The following SLC8A1 variants were observed in gnomAD, a reference collection of about 807,000 sequenced individuals.
The protein encoded by SLC8A1 is sodium/calcium exchanger 1.
In SLC8A1, 18 loss-of-function variants were observed where a neutral mutation model predicts 68.3. The observed-to-expected ratio is 0.26, with a 90% CI of 0.18 to 0.39. The LOEUF is 0.39. Ranked by LOEUF, SLC8A1 falls within the 10% of genes least tolerant of loss-of-function variation. SLC8A1 has a pLI of 1.00. For synonymous variants in SLC8A1, 475 were observed against 415.5 expected (o/e 1.14, Z -1.74); for missense variants, 985 against 1,156.7 (o/e 0.85, Z 2.15).
At chr2:40,178,767 G>A (rs2048926532) in intron 2 of SLC8A1, among the ~76,000 whole-genome samples, 1 of 152,088 alleles carries the variant, frequency 6.6e-6, no homozygotes, top group Non-Finnish European at 1.5e-5. Flanking sequence ...TCATCATAAG[G>A]AGGAAAAGCA....
intron 2 of SLC8A1, among the ~76,000 whole-genome samples, chr2:40,271,929 C>G (rs934588906): frequency 6.6e-6 from 1 of 152,026 alleles, no homozygotes; most frequent in Admixed American, 6.6e-5. Flanking sequence ...TGCAGTGGAA[C>G]CGTCATAGCT....
intron 2 of SLC8A1, among the ~76,000 whole-genome samples, chr2:40,236,298 T>C (rs1388081346): frequency 3.3e-5 from 5 of 151,784 alleles, no homozygotes; most frequent in Non-Finnish European, 7.4e-5. Flanking sequence ...ATTGGGTGCA[T>C]ATATATTTAG....
At chr2:40,352,959 G>T (rs1671569529) in intron 2 of SLC8A1, among the ~76,000 whole-genome samples, 1 of 152,026 alleles carries the variant, frequency 6.6e-6, no homozygotes. Context: ...TTAAAAGCTG[G>T]CAGGGCATAA....
At chr2:40,314,643 T>A (rs2074198813) in intron 2 of SLC8A1, among the ~76,000 whole-genome samples, 1 of 152,038 alleles carries the variant, frequency 6.6e-6, no homozygotes, top group African/African-American at 2.4e-5. Context: ...GAAAGGCATA[T>A]CTGTCTATTT....
chr2:40,452,541 C>T (rs1702689595), upstream of SLC8A1, among the ~76,000 whole-genome samples: 2 of 152,170 alleles, frequency 1.3e-5, no homozygotes, highest in South Asian at 4.1e-4. Context: ...GAACCCTGAC[C>T]CCCAATTCGC....
chr2:40,195,457 G>C (rs933875780), intron 2 of SLC8A1, among the ~76,000 whole-genome samples: 1 of 151,964 alleles, frequency 6.6e-6, no homozygotes, highest in Non-Finnish European at 1.5e-5. Context: ...GTCCAGACTT[G>C]TGGAGAACTG....
At chr2:40,286,816 T>C (rs1164653450) in intron 2 of SLC8A1, among the ~76,000 whole-genome samples, 1 of 152,226 alleles carries the variant, frequency 6.6e-6, no homozygotes, top group Non-Finnish European at 1.5e-5. Context: ...ATGGATCATG[T>C]TGTCTTATAC....
chr2:40,338,641 G>A (rs1666755229), intron 2 of SLC8A1, among the ~76,000 whole-genome samples: 1 of 152,154 alleles, frequency 6.6e-6, no homozygotes, highest in African/African-American at 2.4e-5. Context: ...CAAGACTATA[G>A]GTATGTTTTT....
At chr2:40,127,034 T>A (rs2038262110) in intron 7 of SLC8A1, among the ~76,000 whole-genome samples, 1 of 152,242 alleles carries the variant, frequency 6.6e-6, no homozygotes. Flanking sequence ...TATCTCTTTT[T>A]TAATGACTTT....
chr2:40,276,969 C>G (rs781115991), intron 2 of SLC8A1, among the ~76,000 whole-genome samples: 4 of 152,216 alleles, frequency 2.6e-5, no homozygotes, highest in Non-Finnish European at 4.4e-5. Flanking sequence ...AAAGTCTAAA[C>G]AGAAGGACAA....
intron 1 of SLC8A1, among the ~76,000 whole-genome samples, chr2:40,500,617 G>C (rs1705992498): frequency 6.6e-6 from 1 of 151,820 alleles, no homozygotes; most frequent in African/African-American, 2.4e-5. Flanking sequence ...ATTTATTCTT[G>C]AAAAGAGGCT....
intron 2 of SLC8A1, among the ~76,000 whole-genome samples, chr2:40,219,299 T>C (rs1329348997): frequency 6.6e-6 from 1 of 152,200 alleles, no homozygotes; most frequent in Non-Finnish European, 1.5e-5. Flanking sequence ...GGAATTAAAA[T>C]TCAGAAACTG....
At chr2:40,429,008 C>T (rs771435446) in exon 2 of SLC8A1, 3 of 1,613,616 alleles carry the variant, frequency 1.9e-6, no homozygotes, top group Non-Finnish European at 2.5e-6. Context: ...GTAAGGGCCA[C>T]AGTACCACAG....
At chr2:40,449,868 T>C (rs1702108272) in intron 1 of SLC8A1, among the ~76,000 whole-genome samples, 1 of 152,142 alleles carries the variant, frequency 6.6e-6, no homozygotes, top group Admixed American at 6.5e-5. Flanking sequence ...TTTGTTGCTG[T>C]TGTTTTTCTA....
chr2:40,218,590 T>C (rs1233257636), intron 2 of SLC8A1, among the ~76,000 whole-genome samples: 1 of 152,112 alleles, frequency 6.6e-6, no homozygotes, highest in South Asian at 2.1e-4. Flanking sequence ...TTATCGTATA[T>C]GGAATTTTCT....
intron 1 of SLC8A1, among the ~76,000 whole-genome samples, chr2:40,493,985 T>G (rs954518690): frequency 2.0e-5 from 3 of 151,850 alleles, no homozygotes; most frequent in African/African-American, 7.3e-5. Flanking sequence ...ATCATTTCCT[T>G]CTTCAAATAT....
intron 2 of SLC8A1, among the ~76,000 whole-genome samples, chr2:40,196,509 G>T (rs1371466149): frequency 6.6e-6 from 1 of 151,914 alleles, no homozygotes; most frequent in East Asian, 1.9e-4. Context: ...TAGAAACGAA[G>T]ATTCCTTGTC....
chr2:40,196,042 T>A (rs1230635325), intron 2 of SLC8A1: 1 of 149,770 alleles, frequency 6.7e-6, no homozygotes, highest in African/African-American at 2.5e-5. Context: ...AGGATGTCTT[T>A]CAACTTGAAG....
intron 1 of SLC8A1, among the ~76,000 whole-genome samples, chr2:40,494,640 AATATATATATATATATATATATATATAT>A (rs34595267): frequency 4.1e-4 from 38 of 92,692 alleles, no homozygotes; most frequent in African/African-American, 1.4e-3. Flanking sequence ...CTTAAAGTAT[AATATATATATATATATATATATATATAT>A]ATATATATAT....
Sources: gnomAD v4.1 joint callset for allele counts (sites outside exome capture counted in the v4.1 genomes callset) on GRCh38, gnomAD v4.1.1 for gene constraint, MANE v1.5 for transcripts, NCBI Gene and HGNC (gene_info 2026-07-23, HGNC 2026-07-21) for gene names.